The following EYA1 variants were observed in gnomAD, a reference collection of about 807,000 sequenced individuals.
The protein encoded by EYA1 is protein phosphatase EYA1.
In EYA1, 16 loss-of-function variants were observed where a neutral mutation model predicts 82.0. The observed-to-expected ratio is 0.20, with a 90% CI of 0.13 to 0.30. The LOEUF (loss-of-function observed/expected upper bound fraction) is 0.30, where lower values mean the gene tolerates loss of function less well. EYA1 is among the 10% of genes least tolerant of loss of function. The pLI is 1.00. For missense variants in EYA1, 633 were observed against 730.7 expected, an observed-to-expected ratio of 0.87 and a Z score of 1.54; for synonymous variants, 261 against 264.4, an observed-to-expected ratio of 0.99 and a Z score of 0.12.
chr8:71,311,389 C>G (rs1405030459), intron 7 of EYA1, among the ~76,000 whole-genome samples: 1 of 152,166 alleles, frequency 6.6e-6, no homozygotes, highest in Non-Finnish European at 1.5e-5. Flanking sequence ...CGCACAAACT[C>G]ACACACAACA....
intron 2 of EYA1, among the ~76,000 whole-genome samples, chr8:71,446,323 T>G (rs1806874413): frequency 6.6e-6 from 1 of 152,012 alleles, no homozygotes; most frequent in African/African-American, 2.4e-5. Context: ...TGAGTGCTCA[T>G]GAGACCTGAT....
chr8:71,412,894 C>T (rs1830681416), intron 2 of EYA1, among the ~76,000 whole-genome samples: 1 of 152,166 alleles, frequency 6.6e-6, no homozygotes. Context: ...TTCCATACCT[C>T]CACTGTCCTC....
At chr8:71,445,804 C>T (rs373609269) in intron 2 of EYA1, among the ~76,000 whole-genome samples, 34 of 152,214 alleles carry the variant, frequency 2.2e-4, no homozygotes, top group African/African-American at 7.0e-4. Context: ...ACGCCCACCT[C>T]GGCCTCCCAA....
chr8:71,204,923 T>C (rs933983692), intron 17 of EYA1, among the ~76,000 whole-genome samples: 4 of 152,204 alleles, frequency 2.6e-5, no homozygotes, highest in Non-Finnish European at 5.9e-5. Context: ...TGGCATATAG[T>C]AAGTGATTAA....
chr8:71,236,909 G>A (rs1011048937), intron 12 of EYA1, among the ~76,000 whole-genome samples: 2 of 152,160 alleles, frequency 1.3e-5, no homozygotes, highest in Non-Finnish European at 2.9e-5. Flanking sequence ...TACATATTAT[G>A]AAACTGCTTT....
chr8:71,466,666 G>A (rs1808791122), intron 2 of EYA1, among the ~76,000 whole-genome samples: 1 of 152,106 alleles, frequency 6.6e-6, no homozygotes, highest in Non-Finnish European at 1.5e-5. Flanking sequence ...TCGACAAAAT[G>A]TTTCCCAATG....
chr8:71,214,789 C>A (rs1808971199), intron 16 of EYA1, among the ~76,000 whole-genome samples: 1 of 152,140 alleles, frequency 6.6e-6, no homozygotes, highest in South Asian at 2.1e-4. Flanking sequence ...ATTGGATTGT[C>A]ATGTAACTGT....
intron 3 of EYA1, among the ~76,000 whole-genome samples, chr8:71,334,726 T>C (rs943601363): frequency 6.7e-6 from 1 of 148,956 alleles, no homozygotes; most frequent in African/African-American, 2.6e-5. Context: ...CCCAGCCATA[T>C]CTGACTGCCA....
intron 2 of EYA1, among the ~76,000 whole-genome samples, chr8:71,506,683 A>G (rs1489062286): frequency 6.6e-6 from 1 of 152,224 alleles, no homozygotes; most frequent in East Asian, 1.9e-4. Context: ...TGCCAGCGTA[A>G]CTTCCAAGTG....
intron 2 of EYA1, among the ~76,000 whole-genome samples, chr8:71,532,788 A>G (rs187639077): frequency 6.6e-6 from 1 of 152,352 alleles, no homozygotes; most frequent in Non-Finnish European, 1.5e-5. Context: ...AGAAAGAGGT[A>G]CAAAATAATA....
At chr8:71,445,760 T>C (rs1422913876) in intron 2 of EYA1, among the ~76,000 whole-genome samples, 2 of 152,184 alleles carry the variant, frequency 1.3e-5, no homozygotes, top group Non-Finnish European at 2.9e-5. Context: ...TGCCTCAGCC[T>C]ACTGAGTAGC....
intron 2 of EYA1, among the ~76,000 whole-genome samples, chr8:71,461,503 C>T (rs984725381): frequency 6.6e-6 from 1 of 152,120 alleles, no homozygotes; most frequent in Non-Finnish European, 1.5e-5. Context: ...AACCACAGGA[C>T]CCCAAAGAGG....
chr8:71,224,271 G>C (rs759246538), intron 12 of EYA1, among the ~76,000 whole-genome samples: 137 of 152,308 alleles, frequency 9.0e-4, no homozygotes, highest in Non-Finnish European at 1.4e-3. Context: ...AATTTACCAT[G>C]AGAAAACTAA....
At chr8:71,388,235 A>G (rs1235297818) in intron 2 of EYA1, among the ~76,000 whole-genome samples, 1 of 152,194 alleles carries the variant, frequency 6.6e-6, no homozygotes, top group East Asian at 1.9e-4. Flanking sequence ...AAGGTCTTAT[A>G]GCGAAGTGGT....
chr8:71,419,186 G>A (rs1266206513), intron 2 of EYA1, among the ~76,000 whole-genome samples: 1 of 152,114 alleles, frequency 6.6e-6, no homozygotes, highest in Non-Finnish European at 1.5e-5. Flanking sequence ...CATTGCTACT[G>A]TGCAGAAAAC....
chr8:71,284,990 C>A lies in EYA1; in HGVS notation c.827-13093G>T, dbSNP rs578218059. Among the ~76,000 whole-genome samples the A allele has an allele frequency of 3.2e-4, 48 of 152,298 alleles. No individual in the cohort carries two copies. The South Asian group carries it at 4.8e-3, about 15-fold the overall frequency. The stretch of plus-strand genomic sequence containing the variant: ...TAGGTTTGGCTGTACACATAGTTTT[C>A]TTTAGTGGCAAAATGCTCCTGAGGA... On this transcript the variant is annotated intron_variant, in intron 9 of 17. Coordinates refer to ENST00000340726, the MANE Select transcript of EYA1 (RefSeq NM_000503.6).
chr8:71,327,049 TA>T (rs560939820), intron 4 of EYA1, among the ~76,000 whole-genome samples: 214 of 152,342 alleles, frequency 1.4e-3, no homozygotes, highest in African/African-American at 4.7e-3. Flanking sequence ...ATTCCTTTAC[TA>T]AATTCTTTGA....
chr8:71,306,347 G>T (rs547570876), intron 7 of EYA1, among the ~76,000 whole-genome samples: 1 of 152,234 alleles, frequency 6.6e-6, no homozygotes, highest in South Asian at 2.1e-4. Context: ...CTCAGGAAAA[G>T]AAATGGCATC....
intron 4 of EYA1, among the ~76,000 whole-genome samples, chr8:71,331,502 T>TATATAC (rs901420573): frequency 6.9e-4 from 102 of 148,364 alleles, no homozygotes; most frequent in Middle Eastern, 3.6e-3. Context: ...TATATATATA[T>TATATAC]ACACATATAT....
Sources: allele counts gnomAD v4.1 joint callset (sites outside exome capture counted in the v4.1 genomes callset), GRCh38; gene constraint gnomAD v4.1.1; transcripts MANE v1.5; gene names NCBI Gene and HGNC (gene_info 2026-07-23, HGNC 2026-07-21).